Variants in TMEM108 observed in about 807,000 individuals in gnomAD.
TMEM108 encodes cancer/testis antigen 124.
Under a neutral mutation model 35.1 loss-of-function variants are expected in TMEM108, and 12 were observed. The observed-to-expected ratio is 0.34, with a 90% CI of 0.22 to 0.55. The LOEUF (loss-of-function observed/expected upper bound fraction) is 0.55. Among genes scored for constraint, TMEM108 ranks in the 20% least tolerant of loss-of-function variants. TMEM108 has a pLI of 0.89. For synonymous variants in TMEM108, 287 were observed against 308.6 expected, an observed-to-expected ratio of 0.93 and a Z score of 0.73; for missense variants, 680 against 753.3, an observed-to-expected ratio of 0.90 and a Z score of 1.14.
intron 2 of TMEM108, among the ~76,000 whole-genome samples, chr3:133,167,955 A>G (rs1945069474): frequency 6.6e-6 from 1 of 151,920 alleles, no homozygotes; most frequent in South Asian, 2.1e-4. Flanking sequence ...GTTTATTCCA[A>G]GGGTAGGAGT....
At chr3:133,271,690 C>T (rs1946773187) in intron 3 of TMEM108, among the ~76,000 whole-genome samples, 1 of 152,118 alleles carries the variant, frequency 6.6e-6, no homozygotes, top group Non-Finnish European at 1.5e-5. Flanking sequence ...TCTGACTCTC[C>T]TATAGGAGTC....
At chr3:133,251,491 A>G (rs1175854791) in intron 3 of TMEM108, among the ~76,000 whole-genome samples, 1 of 152,172 alleles carries the variant, frequency 6.6e-6, no homozygotes, top group Non-Finnish European at 1.5e-5. Context: ...AACATAAGAA[A>G]AGTTTGTTTC....
chr3:133,288,643 T>C (rs781093801), intron 3 of TMEM108, among the ~76,000 whole-genome samples: 1 of 152,200 alleles, frequency 6.6e-6, no homozygotes, highest in African/African-American at 2.4e-5. Context: ...AGAGGAGGCA[T>C]TGAGTGTTTA....
rs367824272 is a variant in TMEM108, at chr3:133,212,584, C to T, written c.-46-16682C>T. Among the ~76,000 whole-genome samples the T allele has an allele frequency of 7.9e-5, 12 of 152,070 alleles. No homozygotes were observed. In the South Asian group the frequency reaches 1.7e-3, roughly 21 times the overall value. On this transcript the variant is annotated intron_variant, in intron 2 of 5. Coordinates refer to ENST00000321871, the MANE Select transcript of TMEM108 (RefSeq NM_023943.4). ...AGATTTCAAGGAAAATGAGAGAGAA[C>T]GGCCAGGCATGGTGTCTCATGCCTG...
At chr3:133,318,304 T>C (rs372638359) in intron 3 of TMEM108, among the ~76,000 whole-genome samples, 160 of 152,286 alleles carry the variant, frequency 1.1e-3, no homozygotes, top group African/African-American at 3.8e-3. Context: ...AGTGACAGCA[T>C]AGGGGAGGAA....
intron 2 of TMEM108, among the ~76,000 whole-genome samples, chr3:133,224,577 G>A (rs1370925154): frequency 2.0e-5 from 3 of 152,056 alleles, no homozygotes; most frequent in South Asian, 2.1e-4. Flanking sequence ...GTGAATAAGT[G>A]TCATGAGATC....
intron 2 of TMEM108, among the ~76,000 whole-genome samples, chr3:133,228,856 G>C (rs1206896155): frequency 1.3e-5 from 2 of 152,126 alleles, no homozygotes; most frequent in African/African-American, 4.8e-5. Flanking sequence ...TTTCAAGTGT[G>C]GCGAAGCTTT....
intron 2 of TMEM108, among the ~76,000 whole-genome samples, chr3:133,180,627 T>C (rs1177911171): frequency 1.3e-5 from 2 of 152,162 alleles, no homozygotes; most frequent in African/African-American, 2.4e-5. Flanking sequence ...TGAATCTTTT[T>C]CTATACAATG....
chr3:133,383,041 G>A (rs1290215936), intron 4 of TMEM108, among the ~76,000 whole-genome samples: 2 of 152,212 alleles, frequency 1.3e-5, no homozygotes, highest in Non-Finnish European at 2.9e-5. Context: ...TCTTAAAACT[G>A]CAGTTGCCCA....
intron 3 of TMEM108, among the ~76,000 whole-genome samples, chr3:133,265,840 T>A (rs958671914): frequency 8.5e-5 from 13 of 152,240 alleles, no homozygotes; most frequent in Admixed American, 7.2e-4. Flanking sequence ...ATTATGCTTT[T>A]GACTTTTTCT....
intron 2 of TMEM108, among the ~76,000 whole-genome samples, chr3:133,176,103 A>G (rs1344156158): frequency 6.6e-6 from 1 of 152,238 alleles, no homozygotes; most frequent in Non-Finnish European, 1.5e-5. Flanking sequence ...AAAGGGATCA[A>G]TTCAACAAGA....
chr3:133,171,435 G>T (rs2107790583), intron 2 of TMEM108, among the ~76,000 whole-genome samples: 1 of 152,272 alleles, frequency 6.6e-6, no homozygotes, highest in East Asian at 1.9e-4. Context: ...GGAGTGCAGT[G>T]GTGCAATCAT....
chr3:133,271,611 C>G (rs750384268), intron 3 of TMEM108, among the ~76,000 whole-genome samples: 1 of 152,076 alleles, frequency 6.6e-6, no homozygotes, highest in Non-Finnish European at 1.5e-5. Flanking sequence ...ACACGATTGC[C>G]CAGATAGTGT....
At chr3:133,386,482 C>T in intron 4 of TMEM108, 1 of 1,535,854 alleles carries the variant, frequency 6.5e-7, no homozygotes, top group Non-Finnish European at 8.7e-7. Context: ...ACTCAGGGCT[C>T]CATCTGAAAA....
chr3:133,156,271 G>C (rs192786293), intron 2 of TMEM108, among the ~76,000 whole-genome samples: 1 of 152,250 alleles, frequency 6.6e-6, no homozygotes, highest in East Asian at 1.9e-4. Flanking sequence ...TGTCTCTGCA[G>C]TAGCTGAGAT....
chr3:133,323,280 T>C (rs116159797), intron 3 of TMEM108, among the ~76,000 whole-genome samples: 170 of 152,140 alleles, frequency 1.1e-3, no homozygotes, highest in African/African-American at 3.8e-3. Flanking sequence ...CCAAAAACCC[T>C]GAAGATTCAT....
intron 2 of TMEM108, among the ~76,000 whole-genome samples, chr3:133,061,566 A>G (rs73003659): frequency 0.015 from 2,304 of 152,266 alleles, 66 homozygotes; most frequent in African/African-American, 0.052. Context: ...GCATTGCCCT[A>G]CTGACCAAGT....
At chr3:133,162,440 C>G (rs539117657) in intron 2 of TMEM108, among the ~76,000 whole-genome samples, 3 of 152,282 alleles carry the variant, frequency 2.0e-5, no homozygotes, top group African/African-American at 7.2e-5. Context: ...GAAAAATGCT[C>G]TCATTACACA....
At position 133,331,371 on chromosome 3, in the gene TMEM108, G is replaced by A. The variant is rs183982674; in HGVS notation, c.41-48381G>A. Among the ~76,000 whole-genome samples, 22 of 152,202 alleles carry A rather than the reference G, an allele frequency of 1.4e-4. No individual in the cohort carries two copies. In the East Asian group the frequency reaches 4.3e-3, roughly 29 times the overall value. ...GGGTGAGTATATGGATTTGATCTAG[G>A]GTTAACAGGTCTCTCCCATTGTTGA... On this transcript the variant is annotated intron_variant, in intron 3 of 5. Transcript: ENST00000321871.
Sources: gnomAD v4.1 joint callset for allele counts (sites outside exome capture counted in the v4.1 genomes callset) on GRCh38, gnomAD v4.1.1 for gene constraint, MANE v1.5 for transcripts, NCBI Gene and HGNC (gene_info 2026-07-23, HGNC 2026-07-21) for gene names.